Variants in CCDC7 observed in about 807,000 individuals in gnomAD.
The protein encoded by CCDC7 is coiled-coil domain-containing protein 7.
Under a neutral mutation model 196.9 loss-of-function variants are expected in CCDC7, and 183 were observed. The observed-to-expected ratio is 0.93, with a 90% CI of 0.82 to 1.05. The LOEUF (loss-of-function observed/expected upper bound fraction) is 1.05. CCDC7 is among the 50% of genes least tolerant of loss of function. The pLI, the probability that CCDC7 is intolerant of heterozygous loss-of-function variation, is 0.00. For missense variants in CCDC7, 1,540 were observed against 1,482.2 expected (o/e 1.04, Z -0.64); for synonymous variants, 525 against 484.6 (o/e 1.08, Z -1.10).
At chr10:32,586,267 G>T (rs2059263824) in intron 18 of CCDC7, among the ~76,000 whole-genome samples, 1 of 152,130 alleles carries the variant, frequency 6.6e-6, no homozygotes, top group Admixed American at 6.6e-5. Flanking sequence ...GTAGGTTCTG[G>T]ATATCAACCC....
chr10:32,786,536 G>T (rs903502901), intron 29 of CCDC7, among the ~76,000 whole-genome samples: 3 of 152,212 alleles, frequency 2.0e-5, no homozygotes, highest in Non-Finnish European at 4.4e-5. Context: ...CAAGGCGGGT[G>T]GATCAATTGA....
intron 11 of CCDC7, among the ~76,000 whole-genome samples, chr10:32,533,288 C>G (rs1336115048): frequency 1.4e-5 from 2 of 147,864 alleles, no homozygotes; most frequent in Non-Finnish European, 3.0e-5. Flanking sequence ...CAATTCTACA[C>G]TTTAACTTCT....
At chr10:32,709,819 G>T (rs1053258843) in intron 24 of CCDC7, among the ~76,000 whole-genome samples, 2 of 152,088 alleles carry the variant, frequency 1.3e-5, no homozygotes, top group Middle Eastern at 3.2e-3. Flanking sequence ...TAACCAGTAG[G>T]AGTGACACTT....
At chr10:32,714,428 T>A (rs2081289192) in intron 25 of CCDC7, among the ~76,000 whole-genome samples, 1 of 152,124 alleles carries the variant, frequency 6.6e-6, no homozygotes. Context: ...TTCCTTTGGG[T>A]GCCTACACCA....
intron 28 of CCDC7, among the ~76,000 whole-genome samples, chr10:32,778,517 C>T (rs900338553): frequency 6.6e-6 from 1 of 152,152 alleles, no homozygotes; most frequent in African/African-American, 2.4e-5. Flanking sequence ...TCTGGGTTCT[C>T]TACTCTGTTC....
At chr10:32,803,298 T>G (rs1258921698) in intron 29 of CCDC7, among the ~76,000 whole-genome samples, 2 of 152,218 alleles carry the variant, frequency 1.3e-5, no homozygotes, top group Non-Finnish European at 2.9e-5. Flanking sequence ...GTTTCTTTGT[T>G]GATTTTCTGT....
At chr10:32,821,209 A>C (rs1269756291) in intron 31 of CCDC7, among the ~76,000 whole-genome samples, 7 of 152,260 alleles carry the variant, frequency 4.6e-5, no homozygotes, top group Non-Finnish European at 1.0e-4. Flanking sequence ...ACACATGAAA[A>C]AATGCTCACC....
chr10:32,719,284 C>T (rs2082059461), intron 25 of CCDC7, among the ~76,000 whole-genome samples: 1 of 152,178 alleles, frequency 6.6e-6, no homozygotes, highest in Non-Finnish European at 1.5e-5. Flanking sequence ...AAAGGATTCC[C>T]TATTTAATAA....
At chr10:32,751,874 G>A (rs2075715191) in intron 28 of CCDC7, among the ~76,000 whole-genome samples, 2 of 152,148 alleles carry the variant, frequency 1.3e-5, no homozygotes, top group Non-Finnish European at 2.9e-5. Flanking sequence ...TCAAGTTTAT[G>A]AACCACAATA....
intron 20 of CCDC7, 82 bp from the exon 22 acceptor site, chr10:32,663,972 G>C: frequency 2.6e-6 from 1 of 383,604 alleles, no homozygotes; most frequent in Admixed American, 4.5e-5. Flanking sequence ...ACAGAATATG[G>C]CTGTATACTT....
chr10:32,875,539 T>C (rs895382941), intron 41 of CCDC7, among the ~76,000 whole-genome samples: 6 of 152,010 alleles, frequency 3.9e-5, no homozygotes, highest in Admixed American at 3.3e-4. Context: ...TACTGTAGCC[T>C]TGTATCATAT....
intron 13 of CCDC7, among the ~76,000 whole-genome samples, chr10:32,562,206 G>A (rs2055830575): frequency 6.6e-6 from 1 of 152,088 alleles, no homozygotes; most frequent in East Asian, 1.9e-4. Context: ...ATTCACAGCC[G>A]AATTCTACCA....
intron 18 of CCDC7, among the ~76,000 whole-genome samples, chr10:32,631,489 A>C (rs1280322960): frequency 6.6e-6 from 1 of 152,164 alleles, no homozygotes; most frequent in Non-Finnish European, 1.5e-5. Flanking sequence ...CTGAACTCTC[A>C]ATTCTATTGC....
At chr10:32,681,736 T>TACACACAC (rs1491330656) in intron 21 of CCDC7, among the ~76,000 whole-genome samples, 11 of 100,126 alleles carry the variant, frequency 1.1e-4, no homozygotes, top group African/African-American at 5.8e-4. Flanking sequence ...TATTTATATG[T>TACACACAC]ATACACACAC....
intron 25 of CCDC7, among the ~76,000 whole-genome samples, chr10:32,713,074 C>G (rs2081073642): frequency 6.6e-6 from 1 of 152,168 alleles, no homozygotes; most frequent in Non-Finnish European, 1.5e-5. Context: ...TGCAGCAAAT[C>G]CCATCAGGAG....
intron 11 of CCDC7, among the ~76,000 whole-genome samples, chr10:32,524,897 G>T (rs550288740): frequency 1.3e-5 from 2 of 151,998 alleles, no homozygotes; most frequent in Non-Finnish European, 2.9e-5. Flanking sequence ...CTATAACCTT[G>T]TACTGGAATG....
intron 29 of CCDC7, among the ~76,000 whole-genome samples, chr10:32,779,747 A>C (rs1201407598): frequency 7.9e-5 from 12 of 152,242 alleles, no homozygotes; most frequent in Admixed American, 7.9e-4. Flanking sequence ...AGAATAATCT[A>C]TCAGAACCAA....
At chr10:32,745,899 G>A (rs1166946936) in intron 28 of CCDC7, among the ~76,000 whole-genome samples, 1 of 152,044 alleles carries the variant, frequency 6.6e-6, no homozygotes, top group East Asian at 1.9e-4. Flanking sequence ...TCAGAGTTTT[G>A]TAGTTTCTAC....
chr10:32,862,444 A>G (rs2094034756), intron 41 of CCDC7, among the ~76,000 whole-genome samples: 1 of 152,110 alleles, frequency 6.6e-6, no homozygotes, highest in African/African-American at 2.4e-5. Flanking sequence ...GAGGGATAGC[A>G]TTAGGACAAA....
Sources: allele counts gnomAD v4.1 joint callset (sites outside exome capture counted in the v4.1 genomes callset), GRCh38; gene constraint gnomAD v4.1.1; transcripts MANE v1.5; gene names NCBI Gene and HGNC (gene_info 2026-07-23, HGNC 2026-07-21).